The following IQCC variants were observed in gnomAD, a reference collection of about 807,000 sequenced individuals.
IQCC encodes IQ motif containing C.
Under a neutral mutation model 27.0 loss-of-function variants are expected in IQCC, and 23 were observed. The ratio of observed to expected loss-of-function variants is 0.85; its 90% CI spans 0.61 to 1.21. IQCC has a LOEUF of 1.21. Among genes scored for constraint, IQCC ranks in the 50% most tolerant of loss-of-function variants. IQCC has a pLI of 0.00. For missense variants in IQCC, 552 were observed against 562.3 expected (o/e 0.98, Z 0.19); for synonymous variants, 220 against 217.2 (o/e 1.01, Z -0.11).
chr1:32,208,166 G>C lies in IQCC; in HGVS notation c.*84G>C. The C allele has an allele frequency of 7.1e-7, 1 of 1,412,024 alleles. No homozygotes were observed. Among genetic ancestry groups the C allele is most frequent in the Non-Finnish European group, 9.4e-7 (1 of 1,060,546 alleles). 87.5% of individuals were successfully genotyped at this position (1,412,024 alleles called of 1,614,324 possible). ...AGACAAGACCTCATCCTACCTCCCT[G>C]ACCAGCTCTGGCTTCTGCTCCTGCC... On this transcript the variant is annotated 3_prime_UTR_variant, in exon 5 of 5. Transcript: ENST00000291358.
chr1:32,206,539 G>A lies in IQCC; in HGVS notation c.217G>A (p.Gly73Arg), dbSNP rs774665225. ...KAKSHQTWKA[G>R]DRVANPEQGL... ...AAAATCCCATCAGACCTGGAAAGCA[G>A]GAGACAGGGTAGCAAATCCAGAGCA... Residue 73 changes from glycine (G) to arginine (R), a missense_variant, in exon 3 of 5, where the codon GGA becomes AGA. By Grantham distance (125) the Gly-to-Arg change is moderately radical (BLOSUM62 -2). Coordinates refer to ENST00000291358, the MANE Select transcript of IQCC (RefSeq NM_018134.3). 2 of 1,614,204 alleles carry A rather than the reference G, an allele frequency of 1.2e-6. No homozygotes were observed. Among genetic ancestry groups the A allele is most frequent in the Non-Finnish European group, 8.5e-7 (1 of 1,180,046 alleles).
Position 32,208,117 on chromosome 1 carries a change from G to A in IQCC, c.*35G>A. On this transcript the variant is annotated 3_prime_UTR_variant, in exon 5 of 5. Transcript: ENST00000291358. ...AGCCAGGAGAGGATCAGGTTCCAAA[G>A]GGGAATGCTATGAAAGGGCAGTGAG... 1 of 1,540,650 alleles carries A rather than the reference G, an allele frequency of 6.5e-7. No individual in the cohort carries two copies. The highest frequency in any genetic ancestry group is 1.2e-5 in the South Asian group (1 of 82,404).
chr1:32,206,420 A>C, intron 2 of IQCC, 89 bp from the exon 3 acceptor site: 1 of 1,603,294 alleles, frequency 6.2e-7, no homozygotes, highest in East Asian at 2.2e-5. Context: ...CCCACTCCTT[A>C]ACCCTCACCA....
At chr1:32,206,348 C>G (rs767794461) in intron 2 of IQCC, 51 bp downstream of exon 2, 1 of 1,605,690 alleles carries the variant, frequency 6.2e-7, no homozygotes, top group African/African-American at 1.3e-5. Context: ...CAGGGTGGAA[C>G]CCACCCTTCC....
chr1:32,206,402 C>G, intron 2 of IQCC, 105 bp downstream of exon 2: 1 of 1,598,298 alleles, frequency 6.3e-7, no homozygotes, highest in South Asian at 1.1e-5. Context: ...AGACTCACCT[C>G]CTCACACCCC....
rs1438069128 is a variant in IQCC at position 32,206,605 on chromosome 1, G to C, written c.283G>C (p.Glu95Gln). 6.2e-7 allele frequency: 1 copy of C among 1,614,134 alleles called. No homozygotes were observed. Among genetic ancestry groups the C allele is most frequent in the African/African-American group, 1.3e-5 (1 of 74,940 alleles). ...NHFPCEESEG[E>Q]ATWEEMVLKK... ...CTTCCCATGTGAAGAGTCTGAGGGA[G>C]AGGCCACCTGGGAGGAGATGGTGCT... is the stretch of plus-strand genomic sequence containing the variant. Residue 95 changes from glutamate to glutamine, a missense_variant, in exon 3 of 5, where the codon GAG becomes CAG. By Grantham distance (29) the Glu-to-Gln change is conservative (BLOSUM62 2). Coordinates refer to ENST00000291358, the MANE Select transcript of IQCC (RefSeq NM_018134.3).
At position 32,206,758 on chromosome 1, in the gene IQCC, C is replaced by A. The variant is rs756099017; in HGVS notation, c.436C>A (p.Pro146Thr). The change falls in exon 3 of 5, where the codon CCA becomes ACA. Residue 146 changes from proline (P) to threonine (T), a missense_variant. Pro to Thr is a conservative substitution (Grantham distance 38). Coordinates refer to ENST00000291358, the MANE Select transcript of IQCC (RefSeq NM_018134.3). ...KTRDTTRMEN[P>T]EATDQRLPHS... ...CAGAGACACGACAAGGATGGAGAAT[C>A]CAGGTACCTCTCTGCAAAGATCAGG... is the stretch of plus-strand genomic sequence containing the variant. 6.2e-7 allele frequency: 1 copy of A among 1,613,998 alleles called. No homozygotes were observed. The highest frequency in any genetic ancestry group is 8.5e-7 in the Non-Finnish European group (1 of 1,179,972).
rs771873493 is a variant in IQCC at position 32,207,950 on chromosome 1, T to C, written c.1269T>C (p.His423=). Residue 423 remains histidine, a synonymous_variant, in exon 5 of 5, where the codon CAT becomes CAC. Coordinates refer to ENST00000291358, the MANE Select transcript of IQCC (RefSeq NM_018134.3). ...ATGGAACCTCCAATGAGCCTAGTCA[T>C]GAAGGACAGAAAAAGCAGAGGACTA... ...SRDGTSNEPS[H]EGQKKQRTIP... is the part of the protein sequence containing the mutation. The C allele has an allele frequency of 2.5e-6, 4 of 1,614,144 alleles. No homozygotes were observed. The highest frequency in any genetic ancestry group is 3.4e-6 in the Non-Finnish European group (4 of 1,180,028).
intron 3 of IQCC, 93 bp from the exon 4 acceptor site, chr1:32,206,909 G>A (rs1011508317): frequency 5.0e-6 from 7 of 1,389,784 alleles, no homozygotes; most frequent in Non-Finnish European, 7.0e-6. Flanking sequence ...GTTGGGCAGT[G>A]CAGGGGAGGG....
Position 32,208,092 on chromosome 1 carries a change from A to G in IQCC, c.*10A>G. ...AGAACCACCTGGCTAGACCCTAGGA[A>G]GCCAGGAGAGGATCAGGTTCCAAAG... is the stretch of plus-strand genomic sequence containing the variant. On this transcript the variant is annotated 3_prime_UTR_variant, in exon 5 of 5. Transcript: ENST00000291358. 1 of 1,585,358 alleles carries G rather than the reference A, an allele frequency of 6.3e-7. No homozygotes were observed. Among genetic ancestry groups the G allele is most frequent in the Non-Finnish European group, 8.6e-7 (1 of 1,166,194 alleles).
At position 32,205,771 on chromosome 1, in the gene IQCC, C is replaced by G. The variant is rs1643308626; in HGVS notation, c.42+48C>G. On this transcript the variant is annotated intron_variant, in intron 1 of 4. Transcript: ENST00000291358. This position sits in a 1 kb window ranked among gnomAD's most constrained non-coding sequence, Gnocchi z 5.6. ...CACAGGATTTTTCCTTTAGGGAAAT[C>G]ATGGGGTCTCGTACCTGGACCTCCC... is the stretch of plus-strand genomic sequence containing the variant. 6.2e-7 allele frequency: 1 copy of G among 1,604,294 alleles called. No homozygotes were observed. Among genetic ancestry groups the G allele is most frequent in the Non-Finnish European group, 8.5e-7 (1 of 1,176,502 alleles).
In IQCC at chr1:32,207,326, G is replaced by A; in HGVS notation, c.645G>A (p.Gln215=). ...GCGTGTTCCTAGAACATGGGGAACA[G>A]GCCTGTGAGAGGGACCAGTCACAAC... ...EPRVFLEHGE[Q]ACERDQSQPS... The change falls in exon 5 of 5, where the codon CAG becomes CAA. Residue 215 remains glutamine, a synonymous_variant. Transcript: ENST00000291358. The A allele has an allele frequency of 1.2e-6, 2 of 1,614,038 alleles. 1 individual carries two copies. Among genetic ancestry groups the A allele is most frequent in the South Asian group, 2.2e-5 (2 of 91,072 alleles).
rs370022140 is a variant in IQCC, at chr1:32,208,032, G to C, written c.1351G>C (p.Gly451Arg). 11 of 1,614,000 alleles carry C rather than the reference G, an allele frequency of 6.8e-6. No individual in the cohort carries two copies. Among genetic ancestry groups the C allele is most frequent in the Non-Finnish European group, 8.5e-6 (10 of 1,179,978 alleles). Residue 451 changes from glycine (G) to arginine (R), a missense_variant, in exon 5 of 5, where the codon GGA becomes CGA. Coordinates refer to ENST00000291358, the MANE Select transcript of IQCC (RefSeq NM_018134.3). The stretch of plus-strand genomic sequence containing the variant: ...GTCTTCTACAAAGGCAGGCTGTACA[G>C]GAGAGGAACAGTGGAGGGGCAGGCC... ...ILSSTKAGCT[G>R]EEQWRGRPWK...
chr1:32,206,098 G>A lies in IQCC; in HGVS notation c.43-56G>A, dbSNP rs1643324080. The A allele has an allele frequency of 3.1e-6, 5 of 1,612,302 alleles. No individual in the cohort carries two copies. In the South Asian group the frequency reaches 4.4e-5, roughly 14 times the overall value. ...CGACCTCTTCAGGACAGTCCTCCGA[G>A]ATGCCCCCTCTCTTACCGTGATAAG... On this transcript the variant is annotated intron_variant, in intron 1 of 4. Transcript: ENST00000291358.
In IQCC at chr1:32,206,671, T is replaced by C; in HGVS notation, c.349T>C (p.Cys117Arg). ...GAGCTCAGCAAATCAAGGAAGCCTC[T>C]GCAGAGATCACAGCTCCTGGCTTCA... The part of the protein sequence containing the change: ...GESSANQGSL[C>R]RDHSSWLQMK... Residue 117 changes from cysteine to arginine, a missense_variant, in exon 3 of 5, where the codon TGC (cysteine) becomes CGC (arginine). Physicochemically the swap from Cys to Arg is radical, Grantham distance 180. Coordinates refer to ENST00000291358, the MANE Select transcript of IQCC (RefSeq NM_018134.3). 6.2e-7 allele frequency: 1 copy of C among 1,614,208 alleles called. No individual in the cohort carries two copies.
Position 32,207,827 on chromosome 1 carries a change from C to T in IQCC, c.1146C>T (p.Ile382=), listed in dbSNP as rs1643417756. The part of the protein sequence containing the change: ...QELGLSEDHI[I]WDGTLGGPEH... The stretch of plus-strand genomic sequence containing the variant: ...TGGGCCTCTCAGAGGACCACATCAT[C>T]TGGGATGGTACCTTGGGGGGGCCAG... Residue 382 remains isoleucine, a synonymous_variant, in exon 5 of 5, where the codon ATC becomes ATT. Coordinates refer to ENST00000291358, the MANE Select transcript of IQCC (RefSeq NM_018134.3). 1.2e-6 allele frequency: 2 copies of T among 1,614,130 alleles called. No homozygotes were observed. The highest frequency in any genetic ancestry group is 1.7e-5 in the Admixed American group (1 of 60,028).
intron 1 of IQCC, 86 bp from the exon 2 acceptor site, chr1:32,206,068 C>G: frequency 1.2e-6 from 2 of 1,601,484 alleles, no homozygotes; most frequent in South Asian, 1.1e-5. Flanking sequence ...TTGCATTCGC[C>G]GGGACGACCT....
intron 1 of IQCC, 129 bp from the exon 2 acceptor site, chr1:32,206,025 C>G: frequency 6.3e-7 from 1 of 1,596,490 alleles, no homozygotes; most frequent in Non-Finnish European, 8.6e-7. Context: ...AGCGCACAGC[C>G]CACCTATCCT....
At chr1:32,206,888 G>A (rs1643362270) in intron 3 of IQCC, 114 bp from the exon 4 acceptor site, 6 of 1,412,634 alleles carry the variant, frequency 4.2e-6, no homozygotes, top group Non-Finnish European at 4.9e-6. Flanking sequence ...CCGGGATAGG[G>A]CCACCACATG....
Sources: allele counts gnomAD v4.1 joint callset, GRCh38; gene constraint gnomAD v4.1.1; non-coding constraint Gnocchi (gnomAD v3.1); transcripts MANE v1.5; gene names NCBI Gene and HGNC (gene_info 2026-07-23, HGNC 2026-07-21).